CLEC2D: variants seen among roughly 807,000 people sequenced by gnomAD.
The protein encoded by CLEC2D is C-type lectin related f.
A neutral mutation model predicts 20.0 loss-of-function variants in CLEC2D; 16 were observed. The ratio of observed to expected loss-of-function variants is 0.80; its 90% confidence interval spans 0.54 to 1.22. The LOEUF (loss-of-function observed/expected upper bound fraction) is 1.22. Among genes scored for constraint, CLEC2D ranks in the 50% most tolerant of loss-of-function variants. The pLI, the probability that CLEC2D is intolerant of heterozygous loss-of-function variation, is 0.00. For missense variants in CLEC2D, 207 were observed against 221.5 expected, an observed-to-expected ratio of 0.93 and a Z score of 0.42; for synonymous variants, 77 against 71.1, an observed-to-expected ratio of 1.08 and a Z score of -0.42.
intron 3 of CLEC2D, 80 bp downstream of exon 3, chr12:9,688,166 G>A (rs1296747427): frequency 2.6e-5 from 27 of 1,051,246 alleles, no homozygotes; most frequent in Non-Finnish European, 3.4e-5. Flanking sequence ...TAAGAGGTAG[G>A]TTTAGACATC....
intron 2 of CLEC2D, among the ~76,000 whole-genome samples, chr12:9,681,347 G>A (rs1865631597): frequency 6.6e-6 from 1 of 152,032 alleles, no homozygotes; most frequent in Non-Finnish European, 1.5e-5. Flanking sequence ...TAGGAACATG[G>A]TTAATTTTAC....
At chr12:9,688,301 A>G (rs1280343249) in intron 3 of CLEC2D, 2 of 940,274 alleles carry the variant, frequency 2.1e-6, no homozygotes, top group Non-Finnish European at 2.7e-6. Context: ...GAACAGGCCC[A>G]GAGGGCAAGC....
In CLEC2D at chr12:9,695,169, A is replaced by G. The variant is rs914963815; in HGVS notation, c.*295A>G. The G allele has an allele frequency of 1.7e-6, 1 of 585,636 alleles. No homozygotes were observed. The highest frequency in any genetic ancestry group is 3.0e-5 in the Admixed American group (1 of 33,540). 36.3% of individuals were successfully genotyped at this position (585,636 alleles called of 1,614,324 possible). On this transcript the variant is annotated 3_prime_UTR_variant, in exon 5 of 5. Coordinates refer to ENST00000290855, the MANE Select transcript of CLEC2D (RefSeq NM_013269.6). ...TGGCTGGGGAGGTCTTGCAATCATGACAGAAGGCAAATGGGAAGCAAAGTC... is the reference window on the plus strand; with the variant it reads ...TGGCTGGGGAGGTCTTGCAATCATGGCAGAAGGCAAATGGGAAGCAAAGTC...
chr12:9,671,552 G>A (rs1005289763), intron 1 of CLEC2D, among the ~76,000 whole-genome samples: 1 of 152,230 alleles, frequency 6.6e-6, no homozygotes, highest in Non-Finnish European at 1.5e-5. Flanking sequence ...TTTGGCTATT[G>A]CATGTTGCTG....
intron 3 of CLEC2D, among the ~76,000 whole-genome samples, chr12:9,690,310 C>G (rs1053706840): frequency 6.6e-6 from 1 of 151,956 alleles, no homozygotes; most frequent in African/African-American, 2.4e-5. Flanking sequence ...TTTCAGATAA[C>G]CAATAATTAA....
chr12:9,688,795 C>A (rs1434864131), intron 3 of CLEC2D, among the ~76,000 whole-genome samples: 1 of 152,168 alleles, frequency 6.6e-6, no homozygotes, highest in Non-Finnish European at 1.5e-5. Flanking sequence ...CTACAGAAAT[C>A]TGTTCCTCCA....
chr12:9,694,867 A>T lies in CLEC2D; in HGVS notation c.569A>T (p.His190Leu). 6.5e-7 allele frequency: 1 copy of T among 1,547,154 alleles called. No individual in the cohort carries two copies. Among genetic ancestry groups the T allele is most frequent in the Non-Finnish European group, 8.9e-7 (1 of 1,119,252 alleles). The change falls in exon 5 of 5, where the codon CAT becomes CTT. Residue 190 changes from histidine (H) to leucine (L), a missense_variant. His to Leu is a moderately conservative substitution (Grantham distance 99). Transcript: ENST00000290855. ...RKWICSKSDI[H>L]V ...TGGATTTGTTCCAAATCAGATATACATGTCTAGATGTTACAGCAAAGCCCC... is the reference window on the plus strand; with the variant it reads ...TGGATTTGTTCCAAATCAGATATACTTGTCTAGATGTTACAGCAAAGCCCC...
chr12:9,672,275 C>T (rs1185928976), intron 1 of CLEC2D, among the ~76,000 whole-genome samples: 1 of 152,156 alleles, frequency 6.6e-6, no homozygotes, highest in Non-Finnish European at 1.5e-5. Context: ...ACCTGATTAC[C>T]TCTTAAAGGA....
At chr12:9,685,477 A>T (rs761912242) in intron 2 of CLEC2D, among the ~76,000 whole-genome samples, 221 of 152,292 alleles carry the variant, frequency 1.5e-3, no homozygotes, top group Non-Finnish European at 1.9e-3. Flanking sequence ...CCAGGGAGAT[A>T]AGAGTTTTAT....
At chr12:9,688,190 A>ATTTTTTTTTTTTTTTTTTTTT in intron 3 of CLEC2D, 104 bp downstream of exon 3, 1 of 652,784 alleles carries the variant, frequency 1.5e-6, no homozygotes, top group Non-Finnish European at 1.9e-6. Context: ...TTTTACATTG[A>ATTTTTTTTTTTTTTTTTTTTT]TTTTTTTTTT....
intron 1 of CLEC2D, among the ~76,000 whole-genome samples, chr12:9,673,468 C>T (rs11502798): frequency 0.024 from 3,611 of 152,320 alleles, 151 homozygotes; most frequent in African/African-American, 0.081. Flanking sequence ...TGATGCCAGC[C>T]GGAACTCTTC....
At chr12:9,693,358 A>G in intron 4 of CLEC2D, 1 of 344,910 alleles carries the variant, frequency 2.9e-6, no homozygotes, top group Non-Finnish European at 5.2e-6. Flanking sequence ...TAGTTTTAAA[A>G]TTTTAAAATG....
chr12:9,685,650 A>T (rs1865732734), intron 2 of CLEC2D, among the ~76,000 whole-genome samples: 1 of 152,178 alleles, frequency 6.6e-6, no homozygotes, highest in East Asian at 1.9e-4. Flanking sequence ...CTTTGTTTAC[A>T]CTGTGAGGGG....
rs767364882 is a variant in CLEC2D at position 9,677,313 on chromosome 12, A to G, written c.62-3610A>G. Among the ~76,000 whole-genome samples the G allele has an allele frequency of 7.9e-5, 12 of 151,944 alleles. No individual in the cohort carries two copies. The South Asian group carries it at 2.5e-3, about 32-fold the overall frequency. On this transcript the variant is annotated intron_variant, in intron 1 of 4. Transcript: ENST00000290855. ...ACAAATTTTGTTAAGCTGTATTTTC[A>G]TTTTCATTTAGTTGAAGTATTTTAA...
Position 9,695,645 on chromosome 12 carries a change from C to T in CLEC2D, c.*771C>T, listed in dbSNP as rs61729961. 1,072 of 1,573,986 alleles carry T rather than the reference C, an allele frequency of 6.8e-4. 3 individuals carry two copies. Among genetic ancestry groups the T allele is most frequent in the Non-Finnish European group, 8.4e-4 (971 of 1,156,398 alleles). On this transcript the variant is annotated 3_prime_UTR_variant, in exon 5 of 5. Coordinates refer to ENST00000290855, the MANE Select transcript of CLEC2D (RefSeq NM_013269.6). ...AAAATGTCTGTACAGCCAACGGTTT[C>T]TCTTGGGGGCTTTGAAATAACACCA...
intron 1 of CLEC2D, 34 bp from the exon 2 acceptor site, chr12:9,680,889 A>G (rs775886779): frequency 1.9e-6 from 2 of 1,053,018 alleles, no homozygotes; most frequent in Admixed American, 3.5e-5. Context: ...GTCTGTATTT[A>G]ATTGTTAAAA....
chr12:9,692,029 C>G (rs1865874678), intron 3 of CLEC2D, among the ~76,000 whole-genome samples: 1 of 152,134 alleles, frequency 6.6e-6, no homozygotes, highest in Admixed American at 6.5e-5. Context: ...CAAAGGAAAC[C>G]AGCCTATGCT....
chr12:9,695,250 A>T lies in CLEC2D; in HGVS notation c.*376A>T, dbSNP rs1865955876. The T allele has an allele frequency of 1.6e-6, 1 of 641,630 alleles. No individual in the cohort carries two copies. The highest frequency in any genetic ancestry group is 2.8e-6 in the Non-Finnish European group (1 of 357,518). The allele number at this position is 641,630 out of a possible 1,614,324, so 39.7% of individuals were successfully genotyped here. A position where few individuals can be genotyped will look rare whatever the true frequency, so the allele number is the denominator to read the frequency against. Reference sequence around the variant, plus strand: ...TGTGCACAGGAACTCCTATTTATACAACCATCAGATATCTTGAGACAAGAA... The same window carrying T: ...TGTGCACAGGAACTCCTATTTATACTACCATCAGATATCTTGAGACAAGAA... On this transcript the variant is annotated 3_prime_UTR_variant, in exon 5 of 5. Coordinates refer to ENST00000290855, the MANE Select transcript of CLEC2D (RefSeq NM_013269.6).
rs1209789293 is a variant in CLEC2D, at chr12:9,695,705, C to G, written c.*831C>G. ...TTAAGGTTGAAGTGTGGTTCAGGGC[C>G]AGTGCATATTAGTGGACAGCACTTA... is the stretch of plus-strand genomic sequence containing the variant. On this transcript the variant is annotated 3_prime_UTR_variant, in exon 5 of 5. Transcript: ENST00000290855. The G allele has an allele frequency of 6.2e-5, 97 of 1,563,002 alleles. No individual in the cohort carries two copies. Among genetic ancestry groups the G allele is most frequent in the Non-Finnish European group, 7.6e-5 (87 of 1,143,598 alleles).
Sources: allele counts gnomAD v4.1 joint callset (sites outside exome capture counted in the v4.1 genomes callset), GRCh38; gene constraint gnomAD v4.1.1; transcripts MANE v1.5; gene names NCBI Gene and HGNC (gene_info 2026-07-23, HGNC 2026-07-21).